JMJD1C: variants seen among roughly 807,000 people sequenced by gnomAD.
The protein encoded by JMJD1C is jumonji domain-containing protein 1C.
A neutral mutation model predicts 245.3 loss-of-function variants in JMJD1C; 31 were observed. That is an observed-to-expected ratio of 0.13 (90% CI 0.09 to 0.17). The LOEUF is 0.17. JMJD1C is among the 10% of genes least tolerant of loss of function. The probability of loss-of-function intolerance (pLI) is 1.00; values close to 1 mark genes in which losing one functional copy is unlikely to be tolerated. For synonymous variants in JMJD1C, 1,057 were observed against 1,017.4 expected (o/e 1.04, Z -0.74); for missense variants, 2,691 against 3,000.2 (o/e 0.90, Z 2.41).
In JMJD1C at chr10:63,465,517, TC is replaced by T. The variant is rs1300367372; in HGVS notation, c.145del (p.Asp49ThrfsTer39). On this transcript the variant is annotated frameshift_variant, in exon 1 of 26. Coordinates refer to ENST00000399262, the MANE Select transcript of JMJD1C (RefSeq NM_032776.3). LOFTEE classifies it high-confidence loss of function. ...TACCGCCAGGTCCGGATTGCGGCTGTCCCTGTGTGACACGGCTCGGATGACC... is the reference window on the plus strand; with the variant it reads ...TACCGCCAGGTCCGGATTGCGGCTGTCCTGTGTGACACGGCTCGGATGACC... ...AGVIRAVSHR[D>X]SRNPDLAVYV... The T allele has an allele frequency of 1.2e-6, 2 of 1,605,378 alleles. No individual in the cohort carries two copies. The highest frequency in any genetic ancestry group is 3.4e-5 in the Admixed American group (2 of 59,614).
intron 2 of JMJD1C, among the ~76,000 whole-genome samples, chr10:63,340,474 T>A (rs1943266672): frequency 1.3e-5 from 2 of 152,154 alleles, no homozygotes; most frequent in Admixed American, 1.3e-4. Flanking sequence ...ATTGAAAATG[T>A]CAAAAAGTCC....
chr10:63,247,865 A>G (rs117678344), intron 3 of JMJD1C, among the ~76,000 whole-genome samples: 5,606 of 132,780 alleles, frequency 0.042, 334 homozygotes, highest in East Asian at 0.3. Context: ...AAAACAAAAC[A>G]AACAAAGAAG....
Position 63,176,493 on chromosome 10 carries a change from A to G in JMJD1C, c.7225-20T>C. Reference sequence around the variant, plus strand: ...TGAAATCTGAAATATGAATTAAAATAGACACTCCAATTTAAGTAAGGAAAT... The same window carrying G: ...TGAAATCTGAAATATGAATTAAAATGGACACTCCAATTTAAGTAAGGAAAT... On this transcript the variant is annotated intron_variant, in intron 23 of 25. Transcript: ENST00000399262. 2 of 1,571,850 alleles carry G rather than the reference A, an allele frequency of 1.3e-6. No individual in the cohort carries two copies. The highest frequency in any genetic ancestry group is 1.7e-6 in the Non-Finnish European group (2 of 1,146,286).
At chr10:63,314,347 T>C (rs369754369) in intron 2 of JMJD1C, among the ~76,000 whole-genome samples, 14 of 152,266 alleles carry the variant, frequency 9.2e-5, no homozygotes, top group Admixed American at 5.9e-4. Context: ...ATTGCTTGAG[T>C]CCAGGAGTTC....
At chr10:63,286,985 T>C (rs762186741) in intron 2 of JMJD1C, among the ~76,000 whole-genome samples, 16 of 152,008 alleles carry the variant, frequency 1.1e-4, no homozygotes, top group Non-Finnish European at 1.9e-4. Flanking sequence ...AAACCAGAAG[T>C]AAAGTTAATC....
At chr10:63,212,451 T>C (rs141471832) in intron 8 of JMJD1C, among the ~76,000 whole-genome samples, 1 of 152,290 alleles carries the variant, frequency 6.6e-6, no homozygotes, top group East Asian at 1.9e-4. Context: ...TTCCATTTTT[T>C]ATACCGGGGC....
chr10:63,173,327 T>C (rs761820025), intron 24 of JMJD1C, among the ~76,000 whole-genome samples: 1 of 151,880 alleles, frequency 6.6e-6, no homozygotes, highest in African/African-American at 2.4e-5. Context: ...TAGAAGAAAA[T>C]GAGGAGAAAA....
intron 2 of JMJD1C, among the ~76,000 whole-genome samples, chr10:63,346,000 C>T (rs1449809524): frequency 1.3e-5 from 2 of 152,170 alleles, no homozygotes; most frequent in Non-Finnish European, 2.9e-5. Context: ...TATTTTACTC[C>T]TTACGACTTT....
rs10604690 is a variant in JMJD1C at position 63,192,258 on chromosome 10, T to TA, written c.6076+679dup. Among the ~76,000 whole-genome samples, 43 of 110,328 alleles carry TA rather than the reference T, an allele frequency of 3.9e-4. 1 individual carries two copies. The highest frequency in any genetic ancestry group is 1.4e-3 in the African/African-American group (40 of 28,082). 72.4% of individuals were successfully genotyped at this position (110,328 alleles called of 152,430 possible). A position where few individuals can be genotyped will look rare whatever the true frequency, so the allele number is the denominator to read the frequency against. On this transcript the variant is annotated intron_variant, in intron 16 of 25. Transcript: ENST00000399262. ...GGCGAAACTTCATGTCTACAAAAAC[T>TA]AAAAAAAAAAAAAAAAAAAAAAAAA...
intron 3 of JMJD1C, among the ~76,000 whole-genome samples, chr10:63,243,975 T>A (rs1325946341): frequency 6.6e-6 from 1 of 152,148 alleles, no homozygotes; most frequent in African/African-American, 2.4e-5. Context: ...AAAAGTAAGA[T>A]CAAGGTGGAC....
chr10:63,441,492 C>T (rs1273374912), intron 1 of JMJD1C, among the ~76,000 whole-genome samples: 1 of 152,156 alleles, frequency 6.6e-6, no homozygotes, highest in Non-Finnish European at 1.5e-5. Context: ...AAGATTAAGA[C>T]AATACGTAGC....
At chr10:63,362,504 G>C (rs543478584) in intron 2 of JMJD1C, among the ~76,000 whole-genome samples, 2 of 151,008 alleles carry the variant, frequency 1.3e-5, no homozygotes, top group Non-Finnish European at 2.9e-5. Context: ...TTTTAAGACA[G>C]GGTCTCACTC....
At position 63,307,639 on chromosome 10, in the gene JMJD1C, A is replaced by G. The variant is rs533204405; in HGVS notation, c.334-42875T>C. Among the ~76,000 whole-genome samples the G allele has an allele frequency of 1.1e-4, 16 of 152,270 alleles. No individual in the cohort carries two copies. In the East Asian group the frequency reaches 3.1e-3, roughly 29 times the overall value. On this transcript the variant is annotated intron_variant, in intron 2 of 25. Coordinates refer to ENST00000399262, the MANE Select transcript of JMJD1C (RefSeq NM_032776.3). Reference sequence around the variant, plus strand: ...AATGGTACCACCAGGTAAGACTGGCACTGGGGGCTAAGGAAGTAGAGGGCT... The same window carrying G: ...AATGGTACCACCAGGTAAGACTGGCGCTGGGGGCTAAGGAAGTAGAGGGCT...
intron 2 of JMJD1C, among the ~76,000 whole-genome samples, chr10:63,354,848 C>T (rs1944684239): frequency 1.5e-5 from 2 of 131,160 alleles, no homozygotes; most frequent in Admixed American, 8.7e-5. Context: ...GATCCCATAT[C>T]TACTTTAACA....
chr10:63,405,524 C>T (rs542620052), intron 1 of JMJD1C, among the ~76,000 whole-genome samples: 3 of 151,976 alleles, frequency 2.0e-5, no homozygotes, highest in East Asian at 3.9e-4. Context: ...CGTTTCACCA[C>T]GTTGGCCAGG....
At chr10:63,353,503 A>C (rs1944534447) in intron 2 of JMJD1C, among the ~76,000 whole-genome samples, 1 of 152,144 alleles carries the variant, frequency 6.6e-6, no homozygotes, top group Non-Finnish European at 1.5e-5. Flanking sequence ...TGGGAACCAC[A>C]GGTACTTTGG....
chr10:63,195,524 G>A (rs972732298), intron 13 of JMJD1C, among the ~76,000 whole-genome samples: 1 of 152,022 alleles, frequency 6.6e-6, no homozygotes, highest in African/African-American at 2.4e-5. Context: ...CACTTATGTG[G>A]ATTACCACTC....
At chr10:63,377,554 G>C (rs1402159729) in intron 2 of JMJD1C, among the ~76,000 whole-genome samples, 1 of 152,000 alleles carries the variant, frequency 6.6e-6, no homozygotes, top group East Asian at 1.9e-4. Flanking sequence ...CCAATATGTT[G>C]AAAAACCCTG....
Position 63,465,812 on chromosome 10 carries a change from G to A in JMJD1C, c.-150C>T, listed in dbSNP as rs576022257. The A allele has an allele frequency of 1.1e-6, 1 of 903,906 alleles. No homozygotes were observed. Among genetic ancestry groups the A allele is most frequent in the South Asian group, 1.4e-5 (1 of 70,948 alleles). The allele number at this position is 903,906 out of a possible 1,614,324, so 56.0% of individuals were successfully genotyped here. ...AGACTCGGGACGAACCGGCCGCTCT[G>A]CCCCGGACACAGCGACCTCGGGCCC... On this transcript the variant is annotated 5_prime_UTR_variant, in exon 1 of 26. Transcript: ENST00000399262.
Sources: allele counts gnomAD v4.1 joint callset (sites outside exome capture counted in the v4.1 genomes callset), GRCh38; gene constraint gnomAD v4.1.1; transcripts MANE v1.5; gene names NCBI Gene and HGNC (gene_info 2026-07-23, HGNC 2026-07-21).